SLC22A8: variants seen among roughly 807,000 people sequenced by gnomAD.
SLC22A8 encodes solute carrier family 22 member 8.
A neutral mutation model predicts 48.4 loss-of-function variants in SLC22A8; 40 were observed. That is an observed-to-expected ratio of 0.83 (90% confidence interval 0.64 to 1.08). SLC22A8 has a LOEUF of 1.08. SLC22A8 is among the 50% of genes least tolerant of loss of function. The pLI is 0.00. For missense variants in SLC22A8, 606 were observed against 699.0 expected (o/e 0.87, Z 1.50); for synonymous variants, 268 against 286.3 (o/e 0.94, Z 0.65).
In SLC22A8 at chr11:62,995,805, G is replaced by T. The variant is rs1256177200; in HGVS notation, c.900C>A (p.Asn300Lys). ...ERLSLEELKLNLQKEISLAKA... is the reference protein window; with the variant it reads ...ERLSLEELKLKLQKEISLAKA... ...TGGCCAAGGAGATCTCCTTCTGCAG[G>T]TTGAGTTTGAGCTCCTTCGGGCAGA... The change falls in exon 7 of 11, where the codon AAC becomes AAA. Residue 300 changes from asparagine to lysine, a missense_variant. Asn to Lys is a moderately conservative substitution (Grantham distance 94). Transcript: ENST00000336232. The T allele has an allele frequency of 6.2e-7, 1 of 1,613,920 alleles. No homozygotes were observed. Among genetic ancestry groups the T allele is most frequent in the Non-Finnish European group, 8.5e-7 (1 of 1,179,812 alleles).
At chr11:63,008,657 A>G (rs968548958) in intron 2 of SLC22A8, among the ~76,000 whole-genome samples, 1 of 152,170 alleles carries the variant, frequency 6.6e-6, no homozygotes, top group Non-Finnish European at 1.5e-5. Context: ...CACTCAATTC[A>G]CAATAGCTGT....
intron 2 of SLC22A8, 169 bp downstream of exon 2, chr11:63,014,457 A>G: frequency 1.8e-6 from 1 of 555,452 alleles, no homozygotes; most frequent in Non-Finnish European, 3.2e-6. Context: ...GAAGAAGCCA[A>G]GGGTCTTGGT....
At chr11:63,010,480 G>A (rs759679007) in intron 2 of SLC22A8, among the ~76,000 whole-genome samples, 6 of 152,208 alleles carry the variant, frequency 3.9e-5, no homozygotes, top group Non-Finnish European at 7.3e-5. Flanking sequence ...TAGCTGAGGG[G>A]CACCAGAACC....
In SLC22A8 at chr11:62,993,877, G is replaced by A; in HGVS notation, c.1218C>T (p.Asp406=). The part of the protein sequence containing the change: ...AILALTFVPL[D]LQTVRTVLAV... Reference sequence around the variant, plus strand: ...CCAATACTGTCCTCACGGTCTGCAAGTCTGCAGAGGGAAGAAAATGTGGTG... The same window carrying A: ...CCAATACTGTCCTCACGGTCTGCAAATCTGCAGAGGGAAGAAAATGTGGTG... The change falls in exon 9 of 11, where the codon GAC becomes GAT. Residue 406 remains aspartate (D), a splice_region_variant and synonymous_variant. Coordinates refer to ENST00000336232, the MANE Select transcript of SLC22A8 (RefSeq NM_004254.4). The A allele has an allele frequency of 3.1e-6, 5 of 1,596,934 alleles. No homozygotes were observed. Among genetic ancestry groups the A allele is most frequent in the South Asian group, 1.1e-5 (1 of 90,694 alleles).
intron 2 of SLC22A8, among the ~76,000 whole-genome samples, chr11:63,004,928 C>A (rs2086537743): frequency 1.3e-5 from 2 of 152,216 alleles, no homozygotes; most frequent in Non-Finnish European, 2.9e-5. Flanking sequence ...TGCCTCATTT[C>A]ACCAGAATGA....
intron 6 of SLC22A8, 57 bp from the exon 7 acceptor site, chr11:62,995,876 A>G: frequency 6.6e-7 from 1 of 1,514,478 alleles, no homozygotes; most frequent in Non-Finnish European, 9.2e-7. Context: ...GGCAGGACGA[A>G]GAGAGGGAGA....
At chr11:63,000,884 C>T (rs1007224527) in intron 2 of SLC22A8, 61 bp from the exon 3 acceptor site, 1 of 1,302,418 alleles carries the variant, frequency 7.7e-7, no homozygotes, top group African/African-American at 1.5e-5. Flanking sequence ...CAGCCATGCT[C>T]AGCCTGTGGC....
chr11:63,009,494 G>T (rs2135142334), intron 2 of SLC22A8, among the ~76,000 whole-genome samples: 1 of 152,306 alleles, frequency 6.6e-6, no homozygotes, highest in Non-Finnish European at 1.5e-5. Flanking sequence ...CCAGGCCCAG[G>T]CCCTGAGGCC....
rs749441877 is a variant in SLC22A8, at chr11:62,999,793, T to A, written c.487A>T (p.Ser163Cys). ...LTCSYLLLAASGSGAAFSPTF... is the reference protein window; with the variant it reads ...LTCSYLLLAACGSGAAFSPTF... ...GGGCTGAAGGCTGCACCGGAGCCGCTGGCTGCCAGCAGCAGGTAGCTGCAG... is the reference window on the plus strand; with the variant it reads ...GGGCTGAAGGCTGCACCGGAGCCGCAGGCTGCCAGCAGCAGGTAGCTGCAG... The change falls in exon 4 of 11, where the codon AGC becomes TGC. Residue 163 changes from serine (S) to cysteine (C), a missense_variant. Physicochemically the swap from Ser to Cys is moderately radical, Grantham distance 112. Transcript: ENST00000336232. 3 of 1,604,892 alleles carry A rather than the reference T, an allele frequency of 1.9e-6. No homozygotes were observed. The highest frequency in any genetic ancestry group is 2.6e-6 in the Non-Finnish European group (3 of 1,175,418).
At chr11:63,007,785 T>C (rs1246186278) in intron 2 of SLC22A8, among the ~76,000 whole-genome samples, 4 of 152,236 alleles carry the variant, frequency 2.6e-5, no homozygotes, top group Admixed American at 6.5e-5. Context: ...AAAAGCACGA[T>C]GCTCAGGAGA....
chr11:63,010,208 G>A (rs1023371688), intron 2 of SLC22A8, among the ~76,000 whole-genome samples: 5 of 152,148 alleles, frequency 3.3e-5, no homozygotes, highest in South Asian at 2.1e-4. Flanking sequence ...CCCTTTTTAC[G>A]GATGAGGAAT....
At chr11:63,008,991 A>G (rs576775980) in intron 2 of SLC22A8, among the ~76,000 whole-genome samples, 1 of 151,750 alleles carries the variant, frequency 6.6e-6, no homozygotes, top group East Asian at 1.9e-4. Context: ...GGAAGGTCCC[A>G]CCTCCTCCTG....
chr11:63,010,562 G>GC, intron 2 of SLC22A8, among the ~76,000 whole-genome samples: 1 of 152,352 alleles, frequency 6.6e-6, no homozygotes, highest in South Asian at 2.1e-4. Flanking sequence ...TTCTGCCCTT[G>GC]CTGTGCTGGT....
chr11:63,001,484 A>G (rs2086494031), intron 2 of SLC22A8, among the ~76,000 whole-genome samples: 1 of 152,114 alleles, frequency 6.6e-6, no homozygotes, highest in Non-Finnish European at 1.5e-5. Flanking sequence ...CTGAAGTTTC[A>G]TTTTTACGGC....
At chr11:62,998,462 C>A (rs973234811) in intron 5 of SLC22A8, among the ~76,000 whole-genome samples, 1 of 152,158 alleles carries the variant, frequency 6.6e-6, no homozygotes, top group Non-Finnish European at 1.5e-5. Flanking sequence ...CAAGATATAT[C>A]CCAGATTAGT....
At chr11:63,005,591 C>T (rs935723361) in intron 2 of SLC22A8, among the ~76,000 whole-genome samples, 1 of 152,164 alleles carries the variant, frequency 6.6e-6, no homozygotes, top group African/African-American at 2.4e-5. Flanking sequence ...GGAGATTATA[C>T]TGAGGTAGAG....
Position 62,994,500 on chromosome 11 carries a change from C to A in SLC22A8, c.1216+42G>T, listed in dbSNP as rs1412163035. ...GTGAAGTCCCTGGCACCCAACCTGG[C>A]AGCCTCTTCCAGAGGGTTCTGGGGT... is the stretch of plus-strand genomic sequence containing the variant. On this transcript the variant is annotated intron_variant, in intron 8 of 10. Transcript: ENST00000336232. The A allele has an allele frequency of 3.4e-6, 5 of 1,490,638 alleles. No homozygotes were observed. The Admixed American group carries it at 5.8e-5, about 17-fold the overall frequency. The allele number at this position is 1,490,638 out of a possible 1,614,324, so 92.3% of individuals were successfully genotyped here. A position where few individuals can be genotyped will look rare whatever the true frequency, so the allele number is the denominator to read the frequency against.
At chr11:63,002,315 G>A (rs1214778864) in intron 2 of SLC22A8, among the ~76,000 whole-genome samples, 1 of 152,156 alleles carries the variant, frequency 6.6e-6, no homozygotes, top group Non-Finnish European at 1.5e-5. Context: ...TGTATGCAAT[G>A]TGAAGTGATT....
intron 4 of SLC22A8, 21 bp downstream of exon 4, chr11:62,999,667 C>T: frequency 2.0e-6 from 3 of 1,498,060 alleles, no homozygotes; most frequent in South Asian, 1.4e-5. Context: ...AAGCCCAGCT[C>T]CATGCCCCAC....
Sources: allele counts gnomAD v4.1 joint callset (sites outside exome capture counted in the v4.1 genomes callset), GRCh38; gene constraint gnomAD v4.1.1; transcripts MANE v1.5; gene names NCBI Gene and HGNC (gene_info 2026-07-23, HGNC 2026-07-21).